Variants in LRRIQ3 observed in about 807,000 individuals in gnomAD.
The protein encoded by LRRIQ3 is leucine rich repeats and IQ motif containing 3.
In LRRIQ3, 75 loss-of-function variants were observed where a neutral mutation model predicts 59.3. The observed-to-expected ratio is 1.26, with a 90% CI of 1.05 to 1.53. The LOEUF (loss-of-function observed/expected upper bound fraction) is 1.53, where lower values mean the gene tolerates loss of function less well. Among genes scored for constraint, LRRIQ3 ranks in the 40% most tolerant of loss-of-function variants. LRRIQ3 has a pLI of 0.00. For missense variants in LRRIQ3, 831 were observed against 710.0 expected (o/e 1.17, Z -1.94); for synonymous variants, 250 against 231.3 (o/e 1.08, Z -0.73).
intron 1 of LRRIQ3, among the ~76,000 whole-genome samples, chr1:74,196,561 C>T (rs1260480982): frequency 6.6e-6 from 1 of 152,118 alleles, no homozygotes; most frequent in African/African-American, 2.4e-5. Context: ...TCTCTTTATT[C>T]CACATGTCCA....
intron 6 of LRRIQ3, among the ~76,000 whole-genome samples, chr1:74,068,429 G>T (rs888870699): frequency 1.3e-5 from 2 of 151,828 alleles, no homozygotes; most frequent in African/African-American, 4.8e-5. Flanking sequence ...TTTTACTTTT[G>T]CTCACAGTCA....
rs1650041609 is a variant in LRRIQ3, at chr1:74,182,505, T to C, written c.573+33A>G. 9 of 1,375,450 alleles carry C rather than the reference T, an allele frequency of 6.5e-6. No individual in the cohort carries two copies. In the South Asian group the frequency reaches 1.1e-4, roughly 17 times the overall value. 85.2% of individuals were successfully genotyped at this position (1,375,450 alleles called of 1,614,324 possible). ...AGCTAAAATTTCCCTTTTATACATT[T>C]AATTAAAATGAAACCCTAAAGAAGC... On this transcript the variant is annotated intron_variant, in intron 3 of 7. Transcript: ENST00000354431.
At chr1:74,079,772 C>A (rs1312577772) in intron 5 of LRRIQ3, among the ~76,000 whole-genome samples, 2 of 151,766 alleles carry the variant, frequency 1.3e-5, no homozygotes, top group African/African-American at 4.8e-5. Flanking sequence ...TTAGAAACTT[C>A]AGTTCAATAT....
intron 1 of LRRIQ3, among the ~76,000 whole-genome samples, chr1:74,187,905 C>T (rs1049937730): frequency 1.3e-5 from 2 of 152,120 alleles, no homozygotes; most frequent in African/African-American, 2.4e-5. Context: ...TTTGACCCAG[C>T]AATCCCATTA....
intron 5 of LRRIQ3, among the ~76,000 whole-genome samples, chr1:74,079,686 T>A (rs1188552889): frequency 2.0e-5 from 3 of 151,806 alleles, no homozygotes; most frequent in African/African-American, 7.2e-5. Context: ...TGACACTCAA[T>A]AAATACTCAA....
chr1:74,042,005 T>A, intron 6 of LRRIQ3, 72 bp from the exon 7 acceptor site: 2 of 1,361,080 alleles, frequency 1.5e-6, no homozygotes, highest in Non-Finnish European at 1.9e-6. Context: ...TCCAAATATA[T>A]CAATAAACTT....
At chr1:74,080,466 T>C (rs975976195) in intron 5 of LRRIQ3, among the ~76,000 whole-genome samples, 2 of 151,664 alleles carry the variant, frequency 1.3e-5, no homozygotes, top group Non-Finnish European at 3.0e-5. Context: ...CTTTAAAAAT[T>C]AAGGAGCGGT....
At chr1:74,123,622 A>G (rs1421386579) in intron 4 of LRRIQ3, among the ~76,000 whole-genome samples, 1 of 152,060 alleles carries the variant, frequency 6.6e-6, no homozygotes, top group African/African-American at 2.4e-5. Context: ...GTTGTTGCAA[A>G]TGACAGGATC....
chr1:74,046,704 T>C, intron 6 of LRRIQ3, among the ~76,000 whole-genome samples: 1 of 152,188 alleles, frequency 6.6e-6, no homozygotes, highest in Non-Finnish European at 1.5e-5. Context: ...GTCCATCTGA[T>C]GTAGGCCTAA....
chr1:74,043,961 T>C (rs1249820416), intron 6 of LRRIQ3, among the ~76,000 whole-genome samples: 1 of 152,136 alleles, frequency 6.6e-6, no homozygotes, highest in African/African-American at 2.4e-5. Context: ...CTGTATCTGT[T>C]CATATTCTAT....
intron 3 of LRRIQ3, among the ~76,000 whole-genome samples, chr1:74,156,917 C>A (rs747658082): frequency 1.3e-5 from 2 of 152,020 alleles, no homozygotes; most frequent in Admixed American, 1.3e-4. Flanking sequence ...CTGACAATTG[C>A]ATTGTTCATG....
At chr1:74,138,143 C>A (rs1647157866) in intron 4 of LRRIQ3, among the ~76,000 whole-genome samples, 1 of 133,672 alleles carries the variant, frequency 7.5e-6, no homozygotes. Context: ...TCTTTTGCTT[C>A]CTTTAAAAAA....
intron 6 of LRRIQ3, among the ~76,000 whole-genome samples, chr1:74,048,895 T>A (rs1193164244): frequency 6.6e-6 from 1 of 152,154 alleles, no homozygotes; most frequent in Admixed American, 6.6e-5. Flanking sequence ...CCAGGGCTCA[T>A]GAAACTTCTA....
At chr1:74,193,829 C>G (rs140685711) in intron 1 of LRRIQ3, among the ~76,000 whole-genome samples, 4 of 151,926 alleles carry the variant, frequency 2.6e-5, no homozygotes. Context: ...ATTATCACAA[C>G]AGCTGTTATC....
chr1:74,115,527 T>A (rs1646765845), intron 4 of LRRIQ3, among the ~76,000 whole-genome samples: 2 of 152,030 alleles, frequency 1.3e-5, no homozygotes, highest in South Asian at 2.1e-4. Context: ...ACTCAAGAGT[T>A]CAAAATAAAA....
chr1:74,150,016 G>A (rs1015360798), intron 4 of LRRIQ3, among the ~76,000 whole-genome samples: 2 of 152,154 alleles, frequency 1.3e-5, no homozygotes, highest in Non-Finnish European at 2.9e-5. Context: ...TCTGGCTAAC[G>A]AAATGTAGGA....
At chr1:74,143,854 CAAATT>C (rs1488671091) in intron 4 of LRRIQ3, among the ~76,000 whole-genome samples, 1 of 151,378 alleles carries the variant, frequency 6.6e-6, no homozygotes, top group Non-Finnish European at 1.5e-5. Flanking sequence ...TTCACATTAA[CAAATT>C]ATATTAAGTA....
At chr1:74,050,701 T>A in intron 6 of LRRIQ3, 1 of 248,934 alleles carries the variant, frequency 4.0e-6, no homozygotes, top group Non-Finnish European at 6.4e-6. Flanking sequence ...GCTTATAGCC[T>A]TATGTGATAC....
intron 1 of LRRIQ3, among the ~76,000 whole-genome samples, chr1:74,192,301 C>T (rs1479603059): frequency 6.6e-6 from 1 of 152,002 alleles, no homozygotes; most frequent in African/African-American, 2.4e-5. Context: ...AAGTATATTG[C>T]ATAATGCTGC....
Sources: allele counts gnomAD v4.1 joint callset (sites outside exome capture counted in the v4.1 genomes callset), GRCh38; gene constraint gnomAD v4.1.1; transcripts MANE v1.5; gene names NCBI Gene and HGNC (gene_info 2026-07-23, HGNC 2026-07-21).